ENOX2: variants seen among roughly 807,000 people sequenced by gnomAD.
ENOX2 encodes APK1 antigen.
A neutral mutation model predicts 45.0 loss-of-function variants in ENOX2; 36 were observed. That is an observed-to-expected ratio of 0.80 (90% CI 0.61 to 1.06). ENOX2 has a LOEUF of 1.06. ENOX2 is among the 50% of genes least tolerant of loss of function. The pLI is 0.00. For synonymous variants in ENOX2, 174 were observed against 152.3 expected, an observed-to-expected ratio of 1.14 and a Z score of -1.05; for missense variants, 423 against 462.5, an observed-to-expected ratio of 0.91 and a Z score of 0.78.
At chrX:130,716,366 A>AC (rs1337003493) in intron 3 of ENOX2, among the ~76,000 whole-genome samples, 1 of 111,859 alleles carries the variant, frequency 8.9e-6, no homozygotes, top group African/African-American at 3.3e-5. Context: ...CACTGTACAT[A>AC]CCCCCAACCT....
At chrX:130,864,699 C>A (rs2078463775) in intron 2 of ENOX2, among the ~76,000 whole-genome samples, 1 of 112,144 alleles carries the variant, frequency 8.9e-6, no homozygotes, top group South Asian at 3.7e-4. Context: ...ATAAACAAAT[C>A]TACTTTAACA....
intron 8 of ENOX2, 58 bp downstream of exon 8, chrX:130,667,472 C>G: frequency 9.3e-7 from 1 of 1,077,293 alleles, no homozygotes; most frequent in South Asian, 1.9e-5. Context: ...CCATAGAGAG[C>G]AAGTGACTAA....
chrX:130,686,044 C>T (rs1948710550), intron 5 of ENOX2, among the ~76,000 whole-genome samples: 1 of 111,345 alleles, frequency 9.0e-6, no homozygotes, highest in Admixed American at 9.6e-5. Context: ...CCGTATGAGT[C>T]CCTGAATCAC....
intron 3 of ENOX2, among the ~76,000 whole-genome samples, chrX:130,721,946 T>C (rs950885963): frequency 8.0e-5 from 9 of 112,138 alleles, no homozygotes; most frequent in African/African-American, 2.9e-4. Flanking sequence ...CCAGCCCCTA[T>C]AGATTCAAGG....
intron 8 of ENOX2, 71 bp downstream of exon 8, chrX:130,667,459 C>A: frequency 1.0e-6 from 1 of 989,462 alleles, no homozygotes; most frequent in Middle Eastern, 3.2e-4. Flanking sequence ...GAGGCCTGAG[C>A]TCCCATAGAG....
intron 5 of ENOX2, among the ~76,000 whole-genome samples, chrX:130,683,619 C>T (rs1475352186): frequency 9.0e-6 from 1 of 111,190 alleles, no homozygotes; most frequent in Non-Finnish European, 1.9e-5. Context: ...CAAAATGTAA[C>T]CTCTCCATAG....
intron 13 of ENOX2, among the ~76,000 whole-genome samples, chrX:130,629,659 C>T (rs1419229795): frequency 8.9e-6 from 1 of 112,062 alleles, no homozygotes; most frequent in Admixed American, 9.5e-5. Flanking sequence ...AGTGTTAAAT[C>T]TGAGGATAAT....
At chrX:130,860,003 T>G (rs1245796976) in intron 2 of ENOX2, among the ~76,000 whole-genome samples, 1 of 109,930 alleles carries the variant, frequency 9.1e-6, no homozygotes, top group Non-Finnish European at 1.9e-5. Context: ...TCACCCAGGC[T>G]GGAGTGCAGT....
intron 1 of ENOX2, 98 bp downstream of exon 1, chrX:130,902,951 G>A (rs1318515521): frequency 9.1e-6 from 1 of 109,899 alleles, no homozygotes; most frequent in Non-Finnish European, 1.9e-5. Context: ...GGTGGAGTTA[G>A]GCGCTGAGGA....
intron 6 of ENOX2, among the ~76,000 whole-genome samples, chrX:130,679,109 G>A (rs1362470787): frequency 9.0e-6 from 1 of 111,715 alleles, no homozygotes; most frequent in Non-Finnish European, 1.9e-5. Context: ...TGGGGAGACA[G>A]GTCAGAGATA....
chrX:130,717,872 C>T (rs981227399), intron 3 of ENOX2, among the ~76,000 whole-genome samples: 7 of 111,767 alleles, frequency 6.3e-5, no homozygotes, highest in African/African-American at 2.0e-4. Context: ...GAAAGATAAC[C>T]ACCGTTTTCA....
chrX:130,662,859 T>C (rs190996326), intron 9 of ENOX2, among the ~76,000 whole-genome samples: 4 of 112,305 alleles, frequency 3.6e-5, no homozygotes, highest in Non-Finnish European at 7.5e-5. Flanking sequence ...TGGACCTTAA[T>C]TTAATTCAAT....
intron 2 of ENOX2, among the ~76,000 whole-genome samples, chrX:130,839,458 C>T (rs778311765): frequency 8.9e-6 from 1 of 111,768 alleles, no homozygotes; most frequent in East Asian, 2.8e-4. Context: ...TACTTAATTG[C>T]TTTTTAAATC....
intron 2 of ENOX2, among the ~76,000 whole-genome samples, chrX:130,821,100 T>A (rs2077588295): frequency 8.9e-6 from 1 of 112,104 alleles, no homozygotes; most frequent in Non-Finnish European, 1.9e-5. Flanking sequence ...AATAAAATTT[T>A]TTTTAAAAAA....
chrX:130,635,231 G>T, intron 11 of ENOX2, 140 bp from the exon 12 acceptor site: 1 of 386,307 alleles, frequency 2.6e-6, no homozygotes, highest in Non-Finnish European at 4.4e-6. Context: ...TAAAGAGATT[G>T]GGCAAATCAA....
chrX:130,858,360 C>T (rs898405142), intron 2 of ENOX2, among the ~76,000 whole-genome samples: 5 of 110,270 alleles, frequency 4.5e-5, no homozygotes, highest in Admixed American at 9.7e-5. Context: ...TCAGGTGATC[C>T]GCCCGCCTCC....
chrX:130,632,636 C>A (rs1358267920), intron 12 of ENOX2, among the ~76,000 whole-genome samples: 1 of 111,879 alleles, frequency 8.9e-6, no homozygotes, highest in Non-Finnish European at 1.9e-5. Context: ...TCTTCTCTTT[C>A]CACAAACCCT....
At chrX:130,805,093 A>C (rs1183182439) in intron 2 of ENOX2, among the ~76,000 whole-genome samples, 1 of 111,730 alleles carries the variant, frequency 9.0e-6, no homozygotes, top group African/African-American at 3.2e-5. Context: ...ACCAGATGCC[A>C]GATCTGCTGG....
At chrX:130,632,364 C>CGGCG (rs1556405682) in intron 12 of ENOX2, among the ~76,000 whole-genome samples, 1 of 7,784 alleles carries the variant, frequency 1.3e-4, no homozygotes, top group East Asian at 2.7e-3. Flanking sequence ...CAGGAAGGGG[C>CGGCG]GGGGGGGGGG....
Sources: gnomAD v4.1 joint callset for allele counts (sites outside exome capture counted in the v4.1 genomes callset) on GRCh38, gnomAD v4.1.1 for gene constraint, MANE v1.5 for transcripts, NCBI Gene and HGNC (gene_info 2026-07-23, HGNC 2026-07-21) for gene names.